Variants in B3GALT1 observed in about 807,000 individuals in gnomAD.
The protein encoded by B3GALT1 is UDP-Gal:betaGlcNAc beta 1,3-galactosyltransferase, polypeptide 1.
B3GALT1 carries 10 observed loss-of-function variants against 23.2 expected under a neutral mutation model. The ratio of observed to expected loss-of-function variants is 0.43; its 90% CI spans 0.27 to 0.73. The LOEUF is 0.73. B3GALT1 is among the 30% of genes least tolerant of loss of function. B3GALT1 has a pLI of 0.21. For missense variants in B3GALT1, 299 were observed against 405.4 expected, an observed-to-expected ratio of 0.74 and a Z score of 2.25; for synonymous variants, 156 against 141.5, an observed-to-expected ratio of 1.10 and a Z score of -0.73.
At chr2:167,519,076 TC>T (rs200185530) in intron 2 of B3GALT1, among the ~76,000 whole-genome samples, 2,465 of 151,758 alleles carry the variant, frequency 0.016, 48 homozygotes, top group East Asian at 0.1. Context: ...AAATACAATT[TC>T]TTTTTTTTGT....
At chr2:167,363,334 G>A (rs944311730) in intron 1 of B3GALT1, among the ~76,000 whole-genome samples, 3 of 151,732 alleles carry the variant, frequency 2.0e-5, no homozygotes, top group Non-Finnish European at 4.4e-5. Context: ...TTTCACACTT[G>A]CCTCATTTTC....
chr2:167,407,662 G>A (rs1361137617), intron 1 of B3GALT1, among the ~76,000 whole-genome samples: 1 of 151,980 alleles, frequency 6.6e-6, no homozygotes, highest in East Asian at 1.9e-4. Context: ...CGTAACAACT[G>A]AGACATCAGA....
intron 3 of B3GALT1, among the ~76,000 whole-genome samples, chr2:167,761,048 A>G (rs972518656): frequency 5.3e-5 from 8 of 152,194 alleles, no homozygotes; most frequent in African/African-American, 1.9e-4. Context: ...AAAAGACTCT[A>G]TGGTGGGGCA....
chr2:167,841,907 TTAAAA>T lies in B3GALT1; in HGVS notation c.-230+23118_-230+23122del, dbSNP rs1689660083. On this transcript the variant is annotated intron_variant, in intron 4 of 4. Coordinates refer to ENST00000392690, the MANE Select transcript of B3GALT1 (RefSeq NM_020981.4). Reference sequence around the variant, plus strand: ...CTTTTCATACAATAATGTGCTTCCTTTAAAATAATAAAATTTTTTGCTTGTTTTTA... The same window carrying T: ...CTTTTCATACAATAATGTGCTTCCTTTAATAAAATTTTTTGCTTGTTTTTA... Among the ~76,000 whole-genome samples, 3 of 152,352 alleles carry T rather than the reference TTAAAA, an allele frequency of 2.0e-5. 1 individual carries two copies. Among genetic ancestry groups the T allele is most frequent in the African/African-American group, 7.2e-5 (3 of 41,590 alleles).
chr2:167,522,456 T>C lies in B3GALT1; in HGVS notation c.-410+32179T>C, dbSNP rs11902327. Among the ~76,000 whole-genome samples, 983 of 152,254 alleles carry C rather than the reference T, an allele frequency of 6.5e-3. 11 individuals are homozygous for C. The highest frequency in any genetic ancestry group is 0.023 in the African/African-American group (937 of 41,564). On this transcript the variant is annotated intron_variant, in intron 2 of 4. Transcript: ENST00000392690. ...GTGAAAATACTGAATTAGCAGCAGA[T>C]TGACACATTTTTCTAGATTTTTCTA...
chr2:167,860,863 TTTTC>T (rs1324504157), intron 4 of B3GALT1, among the ~76,000 whole-genome samples: 5 of 146,366 alleles, frequency 3.4e-5, no homozygotes, highest in Admixed American at 2.1e-4. Flanking sequence ...CTCAACTGGC[TTTTC>T]TTTTTTTTTT....
chr2:167,351,850 C>T (rs1194351994), intron 1 of B3GALT1, among the ~76,000 whole-genome samples: 1 of 151,884 alleles, frequency 6.6e-6, no homozygotes, highest in African/African-American at 2.4e-5. Context: ...CTTTGCTTTT[C>T]ACTCTTGACA....
chr2:167,758,280 T>A (rs1373487436), intron 3 of B3GALT1, among the ~76,000 whole-genome samples: 1 of 152,190 alleles, frequency 6.6e-6, no homozygotes, highest in Non-Finnish European at 1.5e-5. Flanking sequence ...CACTTGTGAA[T>A]ATCTGCATCT....
chr2:167,827,906 G>A (rs1020912879), intron 4 of B3GALT1, among the ~76,000 whole-genome samples: 2 of 152,130 alleles, frequency 1.3e-5, no homozygotes, highest in African/African-American at 4.8e-5. Flanking sequence ...CAACACAGAG[G>A]GCTCTCGAAG....
At chr2:167,673,509 C>A (rs560003481) in intron 3 of B3GALT1, among the ~76,000 whole-genome samples, 1 of 152,066 alleles carries the variant, frequency 6.6e-6, no homozygotes, top group African/African-American at 2.4e-5. Flanking sequence ...TAGATTAAAT[C>A]CCTTAGTTCT....
chr2:167,831,957 G>T (rs1286675883), intron 4 of B3GALT1, among the ~76,000 whole-genome samples: 1 of 152,178 alleles, frequency 6.6e-6, no homozygotes, highest in African/African-American at 2.4e-5. Context: ...ACATGAATCT[G>T]TGGCACTCTC....
At chr2:167,322,009 A>C (rs1184144117) in intron 1 of B3GALT1, among the ~76,000 whole-genome samples, 1 of 152,064 alleles carries the variant, frequency 6.6e-6, no homozygotes, top group Non-Finnish European at 1.5e-5. Context: ...GACTCCAAAA[A>C]TCCAGGCAGT....
chr2:167,858,798 A>T (rs553595947), intron 4 of B3GALT1, among the ~76,000 whole-genome samples: 1 of 152,322 alleles, frequency 6.6e-6, no homozygotes, highest in Admixed American at 6.5e-5. Context: ...AATTGAAAAC[A>T]AAAGAAAAAT....
chr2:167,439,215 A>T (rs117495609), intron 1 of B3GALT1, among the ~76,000 whole-genome samples: 240 of 152,234 alleles, frequency 1.6e-3, no homozygotes, highest in East Asian at 0.013. Context: ...TTGTTCTGCA[A>T]ATTTTCTTCT....
chr2:167,694,158 C>A (rs187318883), intron 3 of B3GALT1, among the ~76,000 whole-genome samples: 2 of 152,152 alleles, frequency 1.3e-5, no homozygotes, highest in African/African-American at 4.8e-5. Flanking sequence ...CTCCTAATAC[C>A]ATCACATTAG....
chr2:167,616,037 C>T (rs1275882720), intron 2 of B3GALT1, among the ~76,000 whole-genome samples: 2 of 151,144 alleles, frequency 1.3e-5, no homozygotes, highest in African/African-American at 4.9e-5. Flanking sequence ...TCAAGATAAG[C>T]GTTCAGTAGA....
chr2:167,340,844 ATAATG>A (rs1697136567), intron 1 of B3GALT1, among the ~76,000 whole-genome samples: 1 of 152,222 alleles, frequency 6.6e-6, no homozygotes, highest in African/African-American at 2.4e-5. Context: ...CATGAAATTG[ATAATG>A]TAAAGAAACA....
intron 2 of B3GALT1, among the ~76,000 whole-genome samples, chr2:167,506,196 T>C (rs992704211): frequency 2.0e-5 from 3 of 152,214 alleles, no homozygotes; most frequent in African/African-American, 7.2e-5. Context: ...CACACCTCTG[T>C]TTTCATATAA....
At chr2:167,345,778 A>C (rs527923842) in intron 1 of B3GALT1, among the ~76,000 whole-genome samples, 49 of 152,290 alleles carry the variant, frequency 3.2e-4, no homozygotes, top group African/African-American at 1.2e-3. Context: ...ATGATTACTT[A>C]AGTGCTCTAG....
Sources: allele counts gnomAD v4.1 joint callset (sites outside exome capture counted in the v4.1 genomes callset), GRCh38; gene constraint gnomAD v4.1.1; transcripts MANE v1.5; gene names NCBI Gene and HGNC (gene_info 2026-07-23, HGNC 2026-07-21).